ANKH: variants seen among roughly 807,000 people sequenced by gnomAD.
ANKH encodes mineralization regulator ANKH.
A neutral mutation model predicts 49.0 loss-of-function variants in ANKH; 15 were observed. The ratio of observed to expected loss-of-function variants is 0.31; its 90% CI spans 0.20 to 0.47. ANKH has a LOEUF of 0.47. Ranked by LOEUF, ANKH falls within the 20% of genes least tolerant of loss-of-function variation. ANKH has a pLI of 1.00. For missense variants in ANKH, 429 were observed against 652.0 expected, an observed-to-expected ratio of 0.66 and a Z score of 3.72; for synonymous variants, 273 against 260.0, an observed-to-expected ratio of 1.05 and a Z score of -0.48.
At chr5:14,835,667 C>CA (rs748378174) in intron 1 of ANKH, among the ~76,000 whole-genome samples, 4 of 152,056 alleles carry the variant, frequency 2.6e-5, no homozygotes, top group Admixed American at 6.6e-5. Context: ...TGTCTTCTGA[C>CA]AAAATCACAG....
Position 14,711,209 on chromosome 5 carries a change from C to T in ANKH, c.1467G>A (p.Glu489=), listed in dbSNP as rs200591342. 6 of 1,613,930 alleles carry T rather than the reference C, an allele frequency of 3.7e-6. No homozygotes were observed. In the Admixed American group the frequency reaches 6.7e-5, roughly 18 times the overall value. The change falls in exon 12 of 12, where the codon GAG becomes GAA. Residue 489 remains glutamate (E), a synonymous_variant. Transcript: ENST00000284268. ...EEVTDIVEMR[E]ENE is the part of the protein sequence containing the mutation. ...GGCGTCCCGTGCCTTATTCATTCTC[C>T]TCTCTCATTTCCACGATGTCTGTCA...
intron 1 of ANKH, among the ~76,000 whole-genome samples, chr5:14,842,019 G>C (rs1199082010): frequency 6.6e-6 from 1 of 151,956 alleles, no homozygotes; most frequent in East Asian, 1.9e-4. Context: ...CTTTACAAAG[G>C]GATAATAAAC....
intron 8 of ANKH, among the ~76,000 whole-genome samples, chr5:14,724,289 C>T (rs1260542595): frequency 6.6e-6 from 1 of 151,456 alleles, no homozygotes; most frequent in Non-Finnish European, 1.5e-5. Context: ...TGTACTCCAG[C>T]CTGGTTAACA....
intron 4 of ANKH, 106 bp from the exon 5 acceptor site, chr5:14,751,345 T>A (rs563829773): frequency 1.6e-6 from 2 of 1,221,194 alleles, no homozygotes; most frequent in South Asian, 1.3e-5. Context: ...TGAGCAAAGA[T>A]CTTGACTTTT....
intron 1 of ANKH, among the ~76,000 whole-genome samples, chr5:14,834,389 T>C (rs1404551724): frequency 6.6e-6 from 1 of 152,164 alleles, no homozygotes; most frequent in Non-Finnish European, 1.5e-5. Context: ...AAGGTAAGCA[T>C]GCCCCAAAGA....
chr5:14,810,481 T>G (rs1740846293), intron 1 of ANKH, among the ~76,000 whole-genome samples: 1 of 152,166 alleles, frequency 6.6e-6, no homozygotes, highest in African/African-American at 2.4e-5. Flanking sequence ...ACTTTTAAAG[T>G]AGAATAACAG....
At chr5:14,795,302 A>G (rs2126551730) in intron 1 of ANKH, among the ~76,000 whole-genome samples, 1 of 152,344 alleles carries the variant, frequency 6.6e-6, no homozygotes, top group East Asian at 1.9e-4. Context: ...GTGACCTACT[A>G]AACAATGGTG....
At chr5:14,810,248 C>T (rs1249835708) in intron 1 of ANKH, among the ~76,000 whole-genome samples, 1 of 151,684 alleles carries the variant, frequency 6.6e-6, no homozygotes, top group Non-Finnish European at 1.5e-5. Flanking sequence ...ACCTCCTCCT[C>T]TTGGGCTCAA....
At chr5:14,842,176 G>A (rs1741833171) in intron 1 of ANKH, among the ~76,000 whole-genome samples, 2 of 152,198 alleles carry the variant, frequency 1.3e-5, no homozygotes, top group South Asian at 4.1e-4. Context: ...CTGTAAGGTG[G>A]AGATGGTAGA....
intron 1 of ANKH, among the ~76,000 whole-genome samples, chr5:14,804,669 T>C (rs796348501): frequency 4.6e-5 from 7 of 152,358 alleles, no homozygotes; most frequent in African/African-American, 1.4e-4. Context: ...CTGACTTCTC[T>C]AATTAAGGTA....
chr5:14,752,761 G>A (rs1738761365), intron 4 of ANKH, among the ~76,000 whole-genome samples: 1 of 151,796 alleles, frequency 6.6e-6, no homozygotes, highest in African/African-American at 2.4e-5. Flanking sequence ...CAAAGATCAG[G>A]AAAGCTGCCT....
Position 14,791,182 on chromosome 5 carries a change from C to T in ANKH, c.97-21991G>A, listed in dbSNP as rs184746697. Among the ~76,000 whole-genome samples, 27 of 152,254 alleles carry T rather than the reference C, an allele frequency of 1.8e-4. No individual in the cohort carries two copies. The East Asian group carries it at 4.3e-3, about 24-fold the overall frequency. ...GACCATCAGGCTGATATCTGAGTTT[C>T]CCCCTACCAGCTGTGTTATCTTAGG... On this transcript the variant is annotated intron_variant, in intron 1 of 11. Coordinates refer to ENST00000284268, the MANE Select transcript of ANKH (RefSeq NM_054027.6).
chr5:14,779,631 T>A (rs1376320087), intron 1 of ANKH, among the ~76,000 whole-genome samples: 1 of 152,240 alleles, frequency 6.6e-6, no homozygotes, highest in Non-Finnish European at 1.5e-5. Context: ...AAAACTTATG[T>A]CTGGTCATTC....
chr5:14,731,219 G>A lies in ANKH; in HGVS notation c.1011+10608C>T, dbSNP rs575692137. ...TGAGGATCTTTATCATTTCCAAATC[G>A]GCCATGGCTAGGAGGGAGAGGCGGG... On this transcript the variant is annotated intron_variant, in intron 8 of 11. Coordinates refer to ENST00000284268, the MANE Select transcript of ANKH (RefSeq NM_054027.6). Among the ~76,000 whole-genome samples the A allele has an allele frequency of 1.6e-4, 25 of 152,266 alleles. No homozygotes were observed. The East Asian group carries it at 3.7e-3, about 22-fold the overall frequency.
At chr5:14,822,829 G>A (rs1460147498) in intron 1 of ANKH, among the ~76,000 whole-genome samples, 2 of 152,086 alleles carry the variant, frequency 1.3e-5, no homozygotes, top group Admixed American at 6.6e-5. Flanking sequence ...GGTGGACCAC[G>A]AGGTCAGGAG....
chr5:14,713,732 G>A lies in ANKH; in HGVS notation c.1142-65C>T. The A allele has an allele frequency of 6.2e-7, 1 of 1,610,276 alleles. No individual in the cohort carries two copies. Among genetic ancestry groups the A allele is most frequent in the Non-Finnish European group, 8.5e-7 (1 of 1,178,986 alleles). Reference sequence around the variant, plus strand: ...ATCCACTCCCCATCCTGCTGCCTCTGGACCAGGGCAGCACATCCGAGAGCC... The same window carrying A: ...ATCCACTCCCCATCCTGCTGCCTCTAGACCAGGGCAGCACATCCGAGAGCC... On this transcript the variant is annotated intron_variant, in intron 9 of 11. Transcript: ENST00000284268. The surrounding 1 kb of genome is among the most constrained non-coding windows in gnomAD (Gnocchi z 4.4).
chr5:14,814,992 C>T (rs539670168), intron 1 of ANKH, among the ~76,000 whole-genome samples: 8 of 152,342 alleles, frequency 5.3e-5, no homozygotes, highest in Non-Finnish European at 8.8e-5. Context: ...AGCGTTTGCC[C>T]TTCCAGTCTG....
intron 1 of ANKH, among the ~76,000 whole-genome samples, chr5:14,812,933 G>C (rs1305467124): frequency 6.6e-6 from 1 of 152,106 alleles, no homozygotes; most frequent in Non-Finnish European, 1.5e-5. Context: ...AATAAGCAGA[G>C]TACTACATTT....
intron 5 of ANKH, among the ~76,000 whole-genome samples, chr5:14,749,951 C>G (rs1738659448): frequency 6.6e-6 from 1 of 152,298 alleles, no homozygotes; most frequent in East Asian, 1.9e-4. Flanking sequence ...TGATTGTTCA[C>G]AAGGGTGAGA....
Sources: gnomAD v4.1 joint callset for allele counts (sites outside exome capture counted in the v4.1 genomes callset) on GRCh38, gnomAD v4.1.1 for gene constraint, Gnocchi (gnomAD v3.1) non-coding constraint, MANE v1.5 for transcripts, NCBI Gene and HGNC (gene_info 2026-07-23, HGNC 2026-07-21) for gene names.